Variants in ANXA3 observed in about 807,000 individuals in gnomAD.
The protein encoded by ANXA3 is annexin A3, also known as 35-alpha calcimedin.
A neutral mutation model predicts 48.8 loss-of-function variants in ANXA3; 46 were observed. The observed-to-expected ratio is 0.94, with a 90% CI of 0.74 to 1.21. The LOEUF is 1.21. ANXA3 is among the 50% of genes most tolerant of loss of function. The pLI is 0.00. For missense variants in ANXA3, 383 were observed against 378.6 expected (o/e 1.01, Z -0.10); for synonymous variants, 128 against 134.7 (o/e 0.95, Z 0.35).
intron 2 of ANXA3, among the ~76,000 whole-genome samples, chr4:78,560,975 T>C (rs765459528): frequency 2.6e-5 from 4 of 152,210 alleles, no homozygotes; most frequent in African/African-American, 7.2e-5. Context: ...TTAATACCAA[T>C]GGCCCTGGCT....
chr4:78,585,503 A>G (rs1022158599), intron 5 of ANXA3, among the ~76,000 whole-genome samples: 1 of 152,230 alleles, frequency 6.6e-6, no homozygotes, highest in Admixed American at 6.5e-5. Flanking sequence ...CATTGGTCAG[A>G]GTTTAGTTTC....
chr4:78,604,015 T>A, intron 11 of ANXA3: 1 of 288,220 alleles, frequency 3.5e-6, no homozygotes. Context: ...ATGGCTTACT[T>A]TCTTGCCTGT....
chr4:78,598,178 A>G lies in ANXA3; in HGVS notation c.730+764A>G, dbSNP rs1428748147. On this transcript the variant is annotated intron_variant, in intron 10 of 12. Coordinates refer to ENST00000264908, the MANE Select transcript of ANXA3 (RefSeq NM_005139.3). The stretch of plus-strand genomic sequence containing the variant: ...AGATCTTGTCTCTTTAATTAAAAAA[A>G]CCACACACACACACACACACACACA... Among the ~76,000 whole-genome samples the G allele has an allele frequency of 8.3e-5, 12 of 144,524 alleles. No homozygotes were observed. The East Asian group carries it at 2.0e-3, about 24-fold the overall frequency. The allele number at this position is 144,524 out of a possible 152,430, so 94.8% of individuals were successfully genotyped here. A position where few individuals can be genotyped will look rare whatever the true frequency, so the allele number is the denominator to read the frequency against.
chr4:78,602,209 C>T (rs551146010), intron 11 of ANXA3: 1 of 134,080 alleles, frequency 7.5e-6, no homozygotes, highest in Non-Finnish European at 1.5e-5. Flanking sequence ...CACTGCACTC[C>T]AGTCTGGGCG....
rs1260854873 is a variant in ANXA3 at position 78,595,894 on chromosome 4, A to G, written c.634+7A>G. On this transcript the variant is annotated splice_region_variant and intron_variant, in intron 9 of 12. Coordinates refer to ENST00000264908, the MANE Select transcript of ANXA3 (RefSeq NM_005139.3). ...TTTCCTCAATTAAAACTAAGTACAA[A>G]CTCACATTACAATCCTTTGTGTTGT... is the stretch of plus-strand genomic sequence containing the variant. The G allele has an allele frequency of 8.6e-6, 13 of 1,518,898 alleles. No homozygotes were observed. The highest frequency in any genetic ancestry group is 1.7e-5 in the Admixed American group (1 of 59,716). The allele number at this position is 1,518,898 out of a possible 1,614,324, so 94.1% of individuals were successfully genotyped here.
intron 7 of ANXA3, among the ~76,000 whole-genome samples, chr4:78,593,252 G>A: frequency 7.1e-6 from 1 of 141,260 alleles, no homozygotes; most frequent in Non-Finnish European, 1.5e-5. Context: ...ATCCAGACTG[G>A]AGTGCTGTGG....
chr4:78,603,332 A>G (rs980434917), intron 11 of ANXA3: 2 of 152,332 alleles, frequency 1.3e-5, no homozygotes, highest in African/African-American at 4.8e-5. Flanking sequence ...GTTGGCCATC[A>G]TTAGGTCAAA....
chr4:78,569,828 G>T (rs1460461810), intron 2 of ANXA3, among the ~76,000 whole-genome samples: 1 of 152,158 alleles, frequency 6.6e-6, no homozygotes, highest in Non-Finnish European at 1.5e-5. Context: ...AAGGTGATGG[G>T]TTTGAGTCCT....
chr4:78,593,096 G>C (rs1723333376), intron 7 of ANXA3, among the ~76,000 whole-genome samples: 1 of 140,126 alleles, frequency 7.1e-6, no homozygotes, highest in East Asian at 2.1e-4. Flanking sequence ...TTAAGTATTT[G>C]TACATGAACA....
At chr4:78,604,530 T>C (rs1578405716) in intron 12 of ANXA3, 131 bp downstream of exon 12, 1 of 738,108 alleles carries the variant, frequency 1.4e-6, no homozygotes, top group East Asian at 3.0e-5. Context: ...AAATGTGTTG[T>C]CTGAGCTTAA....
chr4:78,563,441 A>T (rs906233304), intron 2 of ANXA3, among the ~76,000 whole-genome samples: 1 of 152,008 alleles, frequency 6.6e-6, no homozygotes, highest in Non-Finnish European at 1.5e-5. Flanking sequence ...GACCTTCAGG[A>T]TGATTGGGCG....
chr4:78,554,608 A>C (rs1722472055), intron 2 of ANXA3, 120 bp downstream of exon 2: 1 of 820,480 alleles, frequency 1.2e-6, no homozygotes, highest in East Asian at 2.5e-5. Flanking sequence ...CAAAATTAAC[A>C]TGCTAGAAAA....
intron 11 of ANXA3, 126 bp downstream of exon 11, chr4:78,601,694 A>C (rs1055981065): frequency 2.6e-6 from 2 of 782,560 alleles, no homozygotes; most frequent in Non-Finnish European, 4.1e-6. Context: ...AAGATAAATT[A>C]TATTACAGCA....
At chr4:78,561,960 T>C (rs1270715309) in intron 2 of ANXA3, among the ~76,000 whole-genome samples, 2 of 152,222 alleles carry the variant, frequency 1.3e-5, no homozygotes, top group Non-Finnish European at 2.9e-5. Flanking sequence ...AGAGGCTTCC[T>C]AGGAATGAGT....
chr4:78,558,753 C>T (rs1288832237), intron 2 of ANXA3, among the ~76,000 whole-genome samples: 3 of 152,186 alleles, frequency 2.0e-5, no homozygotes, highest in Non-Finnish European at 2.9e-5. Context: ...TACCACTTCA[C>T]CCTTGATGAA....
At chr4:78,581,898 G>A (rs953568019) in intron 4 of ANXA3, among the ~76,000 whole-genome samples, 2 of 152,172 alleles carry the variant, frequency 1.3e-5, no homozygotes, top group Non-Finnish European at 2.9e-5. Flanking sequence ...AAGCATGGCG[G>A]ATCTAGGAAA....
intron 7 of ANXA3, 46 bp downstream of exon 7, chr4:78,591,669 C>T (rs1178556163): frequency 2.2e-6 from 3 of 1,346,770 alleles, no homozygotes; most frequent in Non-Finnish European, 2.1e-6. Flanking sequence ...AAGCTGCATG[C>T]TCAATAACAA....
intron 10 of ANXA3, 81 bp downstream of exon 10, chr4:78,597,495 A>C: frequency 1.1e-6 from 1 of 902,238 alleles, no homozygotes. Flanking sequence ...TTTGGGCAAG[A>C]ATCCTGACTG....
At chr4:78,570,040 A>G (rs1318213884) in intron 2 of ANXA3, among the ~76,000 whole-genome samples, 1 of 152,268 alleles carries the variant, frequency 6.6e-6, no homozygotes, top group Non-Finnish European at 1.5e-5. Flanking sequence ...AAGTCATGTA[A>G]TATTTCCGAA....
Sources: allele counts gnomAD v4.1 joint callset (sites outside exome capture counted in the v4.1 genomes callset), GRCh38; gene constraint gnomAD v4.1.1; transcripts MANE v1.5; gene names NCBI Gene and HGNC (gene_info 2026-07-23, HGNC 2026-07-21).